Variants in NFAM1 observed in about 807,000 individuals in gnomAD.
NFAM1 encodes NFAT activation molecule 1.
NFAM1 carries 17 observed loss-of-function variants against 29.0 expected under a neutral mutation model. The observed-to-expected ratio is 0.59, with a 90% CI of 0.40 to 0.88. The LOEUF is 0.88. Ranked by LOEUF, NFAM1 falls within the 40% of genes least tolerant of loss-of-function variation. The probability of loss-of-function intolerance (pLI) is 0.00; values close to 1 mark genes in which losing one functional copy is unlikely to be tolerated. For missense variants in NFAM1, 324 were observed against 344.6 expected (o/e 0.94, Z 0.47); for synonymous variants, 175 against 147.2 (o/e 1.19, Z -1.36).
At position 42,431,905 on chromosome 22, in the gene NFAM1, T is replaced by C. The variant is rs1188230675; in HGVS notation, c.121+332A>G. On this transcript the variant is annotated intron_variant, in intron 1 of 5. Transcript: ENST00000329021. ...ACGTGAGGTTCCTCGGATGGGGAGC[T>C]GTCCCTCCCCCCTGCCCCGCCCCTG... 4.6e-5 allele frequency among the ~76,000 whole-genome samples: 7 copies of C among 151,670 alleles called. No homozygotes were observed. In the East Asian group the frequency reaches 1.2e-3, roughly 25 times the overall value.
intron 3 of NFAM1, among the ~76,000 whole-genome samples, chr22:42,404,243 C>T (rs1929820019): frequency 6.6e-6 from 1 of 152,114 alleles, no homozygotes; most frequent in African/African-American, 2.4e-5. Flanking sequence ...GCACACTCTG[C>T]TCTTTGTCCT....
At position 42,381,742 on chromosome 22, in the gene NFAM1, G is replaced by A. The variant is rs773207335; in HGVS notation, c.*3419C>T. The A allele has an allele frequency of 6.5e-6, 1 of 153,516 alleles. No individual in the cohort carries two copies. The highest frequency in any genetic ancestry group is 1.4e-5 in the Non-Finnish European group (1 of 68,968). 9.5% of individuals were successfully genotyped at this position (153,516 alleles called of 1,614,324 possible). Reference sequence around the variant, plus strand: ...CATCCCCCTTAGCTTTTCCCCTCCAGGCCCATTCATTCAGCTCCTGCTAAG... The same window carrying A: ...CATCCCCCTTAGCTTTTCCCCTCCAAGCCCATTCATTCAGCTCCTGCTAAG... On this transcript the variant is annotated 3_prime_UTR_variant, in exon 6 of 6. Coordinates refer to ENST00000329021, the MANE Select transcript of NFAM1 (RefSeq NM_145912.8).
At chr22:42,410,792 A>C (rs572685918) in intron 2 of NFAM1, among the ~76,000 whole-genome samples, 13 of 152,266 alleles carry the variant, frequency 8.5e-5, no homozygotes, top group Non-Finnish European at 4.4e-5. Context: ...GTTCTGCAGA[A>C]GTTCCCCCAC....
intron 1 of NFAM1, among the ~76,000 whole-genome samples, chr22:42,416,465 A>G (rs735537): frequency 0.56 from 85,411 of 151,908 alleles, 25,998 homozygotes; most frequent in African/African-American, 0.81. Context: ...GGGTGCTCAC[A>G]TTGGCACTGG....
intron 3 of NFAM1, among the ~76,000 whole-genome samples, chr22:42,398,331 T>C (rs1419886222): frequency 6.6e-6 from 1 of 151,822 alleles, no homozygotes; most frequent in Admixed American, 6.6e-5. Context: ...TCCTCTGCTG[T>C]CACTGGCTCT....
intron 5 of NFAM1, among the ~76,000 whole-genome samples, chr22:42,386,407 A>T (rs1181539879): frequency 7.0e-6 from 1 of 142,736 alleles, no homozygotes; most frequent in Admixed American, 7.2e-5. Flanking sequence ...ACACACACAC[A>T]CACACACACA....
In NFAM1 at chr22:42,419,989, GGTTTTTTTTTTTTTTTTTT is replaced by G. The variant is rs1368040361; in HGVS notation, c.122-8272_122-8254del. ...CCTTTGAGTCTGTAATCCCACTCTT[GGTTTTTTTTTTTTTTTTTT>G]TTTTTTTTTTTTTTTTTTCTGAGGC... is the stretch of plus-strand genomic sequence containing the variant. On this transcript the variant is annotated intron_variant, in intron 1 of 5. Coordinates refer to ENST00000329021, the MANE Select transcript of NFAM1 (RefSeq NM_145912.8). This position sits in a 1 kb window ranked among gnomAD's most constrained non-coding sequence, Gnocchi z 4.5. Among the ~76,000 whole-genome samples, 12 of 56,528 alleles carry G rather than the reference GGTTTTTTTTTTTTTTTTTT, an allele frequency of 2.1e-4. No homozygotes were observed. Among genetic ancestry groups the G allele is most frequent in the East Asian group, 1.7e-3 (2 of 1,172 alleles). 37.1% of individuals were successfully genotyped at this position (56,528 alleles called of 152,430 possible).
chr22:42,385,767 C>A (rs1929117089), intron 5 of NFAM1, among the ~76,000 whole-genome samples: 1 of 152,220 alleles, frequency 6.6e-6, no homozygotes. Flanking sequence ...AGGGTGGGCA[C>A]TGCCGGAGAT....
chr22:42,401,695 G>T (rs989687865), intron 3 of NFAM1, among the ~76,000 whole-genome samples: 5 of 152,106 alleles, frequency 3.3e-5, no homozygotes, highest in African/African-American at 1.2e-4. Context: ...GATGAATCAC[G>T]AGTGTGGCTT....
At chr22:42,393,927 G>A (rs1929432717) in intron 4 of NFAM1, among the ~76,000 whole-genome samples, 1 of 152,078 alleles carries the variant, frequency 6.6e-6, no homozygotes, top group Non-Finnish European at 1.5e-5. Context: ...TATTCTGTGT[G>A]CACTTGAAAA....
upstream of NFAM1, among the ~76,000 whole-genome samples, chr22:42,435,635 C>A (rs1350629662): frequency 2.0e-5 from 3 of 152,078 alleles, no homozygotes; most frequent in African/African-American, 7.2e-5. Flanking sequence ...GTGTGAGCCA[C>A]TTTGCCCAGC....
intron 4 of NFAM1, among the ~76,000 whole-genome samples, chr22:42,391,376 G>A (rs1225827610): frequency 1.3e-5 from 2 of 152,032 alleles, no homozygotes. Context: ...GGGGGACATG[G>A]GGAGGGGAAA....
At chr22:42,429,366 A>G (rs1295923351) in intron 1 of NFAM1, among the ~76,000 whole-genome samples, 1 of 152,234 alleles carries the variant, frequency 6.6e-6, no homozygotes, top group Non-Finnish European at 1.5e-5. Flanking sequence ...CTGTAATCCC[A>G]GCACTTTGGG....
intron 5 of NFAM1, among the ~76,000 whole-genome samples, chr22:42,385,472 T>C (rs1929106105): frequency 6.7e-6 from 1 of 149,562 alleles, no homozygotes; most frequent in African/African-American, 2.5e-5. Flanking sequence ...CCCACAGCTC[T>C]GCCCTCTGCC....
At chr22:42,417,522 TAG>T (rs201508589) in intron 1 of NFAM1, among the ~76,000 whole-genome samples, 1,972 of 152,174 alleles carry the variant, frequency 0.013, 29 homozygotes, top group Non-Finnish European at 0.024. Flanking sequence ...CCCTTCCACT[TAG>T]AGAGTTTAGG....
chr22:42,418,851 C>CTGGCA, intron 1 of NFAM1, among the ~76,000 whole-genome samples: 1 of 152,312 alleles, frequency 6.6e-6, no homozygotes, highest in Non-Finnish European at 1.5e-5. Context: ...GTCCCGGGCG[C>CTGGCA]TGGCCTGGCC....
chr22:42,396,268 G>A (rs367766289), intron 4 of NFAM1, among the ~76,000 whole-genome samples: 5 of 152,130 alleles, frequency 3.3e-5, no homozygotes, highest in South Asian at 2.1e-4. Flanking sequence ...GAGCTCTTCC[G>A]TTAAACATAA....
At chr22:42,401,025 G>C (rs1182212729) in intron 3 of NFAM1, among the ~76,000 whole-genome samples, 1 of 152,144 alleles carries the variant, frequency 6.6e-6, no homozygotes, top group Non-Finnish European at 1.5e-5. Flanking sequence ...GCCTGGGCTG[G>C]GCATGGAAGA....
At chr22:42,416,111 T>C (rs1407545347) in intron 1 of NFAM1, among the ~76,000 whole-genome samples, 14 of 152,156 alleles carry the variant, frequency 9.2e-5, no homozygotes, top group Admixed American at 9.2e-4. Context: ...TGGCTTGGTG[T>C]GACACAGGTC....
Sources: allele counts gnomAD v4.1 joint callset (sites outside exome capture counted in the v4.1 genomes callset), GRCh38; gene constraint gnomAD v4.1.1; non-coding constraint Gnocchi (gnomAD v3.1); transcripts MANE v1.5; gene names NCBI Gene and HGNC (gene_info 2026-07-23, HGNC 2026-07-21).